AMPD1: variants seen among roughly 807,000 people sequenced by gnomAD.
The protein encoded by AMPD1 is AMP deaminase 1.
A neutral mutation model predicts 82.9 loss-of-function variants in AMPD1; 74 were observed. The ratio of observed to expected loss-of-function variants is 0.89; its 90% confidence interval spans 0.74 to 1.08. AMPD1 has a LOEUF of 1.08. AMPD1 is among the 50% of genes least tolerant of loss of function. The probability of loss-of-function intolerance (pLI) is 0.00; values close to 1 mark genes in which losing one functional copy is unlikely to be tolerated. For synonymous variants in AMPD1, 333 were observed against 320.5 expected, an observed-to-expected ratio of 1.04 and a Z score of -0.42; for missense variants, 881 against 924.5, an observed-to-expected ratio of 0.95 and a Z score of 0.61.
chr1:114,674,109 T>C, intron 13 of AMPD1, 27 bp from the exon 14 acceptor site: 1 of 1,599,864 alleles, frequency 6.3e-7, no homozygotes, highest in Non-Finnish European at 8.6e-7. Flanking sequence ...AAAAAATATT[T>C]AAAGATGTTG....
At chr1:114,677,586 T>G in intron 9 of AMPD1, 72 bp from the exon 10 acceptor site, 2 of 1,590,544 alleles carry the variant, frequency 1.3e-6, no homozygotes, top group Non-Finnish European at 1.7e-6. Flanking sequence ...GAGAGGAGAT[T>G]CCCTTTCTAA....
intron 2 of AMPD1, chr1:114,688,964 G>A (rs748776609): frequency 5.4e-6 from 4 of 738,182 alleles, no homozygotes; most frequent in East Asian, 5.2e-5. Flanking sequence ...GATTCTCATA[G>A]CACATTTCAG....
Position 114,679,727 on chromosome 1 carries a change from C to T in AMPD1, c.768-19G>A. On this transcript the variant is annotated intron_variant, in intron 6 of 15. Transcript: ENST00000520113. ...GGTCTTACTGTGAAAAATAAAATCA[C>T]ATAATTCCAAAAAGTTTCAGGCATT... 2.5e-6 allele frequency: 4 copies of T among 1,613,870 alleles called. No homozygotes were observed. Among genetic ancestry groups the T allele is most frequent in the Non-Finnish European group, 3.4e-6 (4 of 1,179,852 alleles).
Position 114,675,694 on chromosome 1 carries a change from C to G in AMPD1, c.1516-1G>C. ...CATCCACACTGTCAAAGCCAGTGAT[C>G]TGTTAGGAAAAGTGAGCCATGCAAT... On this transcript the variant is annotated splice_acceptor_variant, in intron 11 of 15. Transcript: ENST00000520113. LOFTEE classifies it high-confidence loss of function. The G allele has an allele frequency of 6.2e-7, 1 of 1,614,174 alleles. No individual in the cohort carries two copies. Among genetic ancestry groups the G allele is most frequent in the Non-Finnish European group, 8.5e-7 (1 of 1,180,026 alleles).
At chr1:114,679,331 A>G (rs1658086604) in intron 7 of AMPD1, among the ~76,000 whole-genome samples, 1 of 152,170 alleles carries the variant, frequency 6.6e-6, no homozygotes, top group African/African-American at 2.4e-5. Context: ...TGTTGTTGCT[A>G]TTTTCGTTGT....
At chr1:114,686,465 C>T (rs1011698692) in intron 4 of AMPD1, among the ~76,000 whole-genome samples, 8 of 152,060 alleles carry the variant, frequency 5.3e-5, no homozygotes, top group Admixed American at 2.6e-4. Flanking sequence ...TCCTTTTTGC[C>T]AAAATCTGTC....
chr1:114,689,083 C>A, intron 2 of AMPD1: 1 of 544,928 alleles, frequency 1.8e-6, no homozygotes. Flanking sequence ...TAGTTTGAAC[C>A]ATGCAGCACA....
intron 4 of AMPD1, 100 bp downstream of exon 4, chr1:114,686,645 A>T: frequency 7.8e-7 from 1 of 1,277,420 alleles, no homozygotes; most frequent in Non-Finnish European, 1.1e-6. Context: ...CAGGTGAGCT[A>T]ATACCTCCCT....
chr1:114,688,773 G>T (rs745456640), intron 2 of AMPD1, 32 bp from the exon 3 acceptor site: 1 of 1,612,958 alleles, frequency 6.2e-7, no homozygotes, highest in South Asian at 1.1e-5. Flanking sequence ...TAGTGTTCAA[G>T]CCCCTTTTCA....
Position 114,679,709 on chromosome 1 carries a change from C to A in AMPD1, c.768-1G>T, listed in dbSNP as rs1205939740. On this transcript the variant is annotated splice_acceptor_variant, in intron 6 of 15. Transcript: ENST00000520113. LOFTEE classifies it high-confidence loss of function. ...CAGGCGCCGGTGGGTATAGGTCTTA[C>A]TGTGAAAAATAAAATCACATAATTC... 7 of 1,613,956 alleles carry A rather than the reference C, an allele frequency of 4.3e-6. No homozygotes were observed. Among genetic ancestry groups the A allele is most frequent in the Non-Finnish European group, 5.1e-6 (6 of 1,179,958 alleles).
intron 2 of AMPD1, among the ~76,000 whole-genome samples, chr1:114,691,872 C>A (rs375848688): frequency 6.6e-6 from 1 of 152,010 alleles, no homozygotes. Context: ...TTGCAATGAG[C>A]CGAGATTATG....
Position 114,673,192 on chromosome 1 carries a change from T to C in AMPD1, c.2166A>G (p.Gln722=). 1 of 1,614,174 alleles carries C rather than the reference T, an allele frequency of 6.2e-7. No individual in the cohort carries two copies. The highest frequency in any genetic ancestry group is 8.5e-7 in the Non-Finnish European group (1 of 1,180,004). ...GNDIRRTNVA[Q]IRMAYRYETW... ...TTTCATAGCGATAGGCCATGCGGATTTGGGCTACATTTGTCCTCCGGATAT... is the reference window on the plus strand; with the variant it reads ...TTTCATAGCGATAGGCCATGCGGATCTGGGCTACATTTGTCCTCCGGATAT... Residue 722 remains glutamine (Q), a synonymous_variant, in exon 16 of 16, where the codon CAA becomes CAG. Coordinates refer to ENST00000520113, the MANE Select transcript of AMPD1 (RefSeq NM_000036.3).
chr1:114,689,037 G>T (rs896257416), intron 2 of AMPD1: 34 of 624,436 alleles, frequency 5.4e-5, no homozygotes, highest in Non-Finnish European at 9.7e-5. Context: ...ACCTCAGTAA[G>T]ATCACCTGTT....
Position 114,676,008 on chromosome 1 carries a change from A to G in AMPD1, c.1389-5T>C, listed in dbSNP as rs753297998. On this transcript the variant is annotated splice_region_variant and splice_polypyrimidine_tract_variant and intron_variant, in intron 10 of 15. Coordinates refer to ENST00000520113, the MANE Select transcript of AMPD1 (RefSeq NM_000036.3). ...TTCTTGGAACGGAACACATCACTAG[A>G]GGCAAGAATGAAGAGAATTTAGGAG... 16 of 1,613,754 alleles carry G rather than the reference A, an allele frequency of 9.9e-6. No individual in the cohort carries two copies. The highest frequency in any genetic ancestry group is 4.0e-5 in the African/African-American group (3 of 74,914).
In AMPD1 at chr1:114,677,461, C is replaced by T; in HGVS notation, c.1278G>A (p.Leu426=). Residue 426 remains leucine, a synonymous_variant, in exon 10 of 16, where the codon CTG becomes CTA. Coordinates refer to ENST00000520113, the MANE Select transcript of AMPD1 (RefSeq NM_000036.3). ...CATCAGGACTGCGGCCATAGATGGA[C>T]AGGCGGGGCTCAGCATGCTGGTACT... ...EAKYQHAEPR[L]SIYGRSPDEW... 1 of 1,613,134 alleles carries T rather than the reference C, an allele frequency of 6.2e-7. No individual in the cohort carries two copies. The highest frequency in any genetic ancestry group is 8.5e-7 in the Non-Finnish European group (1 of 1,179,840).
At chr1:114,678,310 C>T (rs1215879721) in intron 8 of AMPD1, 23 bp downstream of exon 8, 2 of 1,611,614 alleles carry the variant, frequency 1.2e-6, no homozygotes, top group Non-Finnish European at 1.7e-6. Context: ...TAGAGTGAAA[C>T]TGACATTGCC....
Position 114,693,488 on chromosome 1 carries a change from A to G in AMPD1, c.23-41T>C, listed in dbSNP as rs1385967752. 1.9e-6 allele frequency: 3 copies of G among 1,573,586 alleles called. No homozygotes were observed. The South Asian group carries it at 3.3e-5, about 17-fold the overall frequency. ...TAAAACAAGATAAAATATGTGAACA[A>G]CTTTCTGTAATCATGGTGGCTATTA... On this transcript the variant is annotated intron_variant, in intron 1 of 15. Transcript: ENST00000520113.
intron 3 of AMPD1, among the ~76,000 whole-genome samples, chr1:114,688,184 G>C (rs1205677552): frequency 6.6e-6 from 1 of 152,090 alleles, no homozygotes; most frequent in Non-Finnish European, 1.5e-5. Context: ...CTGGAGTGCA[G>C]TGGGGTGATC....
At chr1:114,686,638 G>A (rs1188012321) in intron 4 of AMPD1, 107 bp downstream of exon 4, 9 of 1,171,672 alleles carry the variant, frequency 7.7e-6, no homozygotes, top group East Asian at 2.4e-5. Flanking sequence ...CAAAGGACAG[G>A]TGAGCTAATA....
Sources: gnomAD v4.1 joint callset for allele counts (sites outside exome capture counted in the v4.1 genomes callset) on GRCh38, gnomAD v4.1.1 for gene constraint, MANE v1.5 for transcripts, NCBI Gene and HGNC (gene_info 2026-07-23, HGNC 2026-07-21) for gene names.